Variants in METTL15 observed in about 807,000 individuals in gnomAD.
METTL15 encodes methyltransferase 15, mitochondrial 12S rRNA N4-cytidine, also known as 12S rRNA N(4)-cytidine methyltransferase METTL15.
METTL15 carries 34 observed loss-of-function variants against 38.3 expected under a neutral mutation model. The observed-to-expected ratio is 0.89, with a 90% confidence interval of 0.68 to 1.18. METTL15 has a LOEUF of 1.18. Among genes scored for constraint, METTL15 ranks in the 50% most tolerant of loss-of-function variants. The pLI is 0.00. For synonymous variants in METTL15, 162 were observed against 170.9 expected (o/e 0.95, Z 0.41); for missense variants, 438 against 498.4 (o/e 0.88, Z 1.15).
intron 6 of METTL15, among the ~76,000 whole-genome samples, chr11:28,497,912 G>C (rs1387295673): frequency 6.6e-6 from 1 of 152,004 alleles, no homozygotes; most frequent in African/African-American, 2.4e-5. Flanking sequence ...AAAGTAGCCA[G>C]GCGTGGTGGT....
chr11:28,146,922 A>G (rs1345923966), intron 3 of METTL15, among the ~76,000 whole-genome samples: 1 of 151,936 alleles, frequency 6.6e-6, no homozygotes, highest in Non-Finnish European at 1.5e-5. Context: ...AAGTATTTGA[A>G]AGAAAATATT....
chr11:28,252,696 A>C (rs1222222750), intron 4 of METTL15, among the ~76,000 whole-genome samples: 1 of 152,050 alleles, frequency 6.6e-6, no homozygotes, highest in African/African-American at 2.4e-5. Context: ...CCTCATCAAT[A>C]AACTAACATT....
intron 6 of METTL15, among the ~76,000 whole-genome samples, chr11:28,517,959 A>G (rs545349708): frequency 6.6e-6 from 1 of 152,294 alleles, no homozygotes; most frequent in Non-Finnish European, 1.5e-5. Flanking sequence ...CTTAACCCAC[A>G]TGGAAAACTT....
intron 3 of METTL15, among the ~76,000 whole-genome samples, chr11:28,208,794 TAGA>T (rs1452191497): frequency 6.6e-6 from 1 of 152,020 alleles, no homozygotes; most frequent in Non-Finnish European, 1.5e-5. Context: ...GTTAGTGACC[TAGA>T]AGAAGGAGTA....
chr11:28,195,373 A>G (rs1395596675), intron 3 of METTL15, among the ~76,000 whole-genome samples: 1 of 152,044 alleles, frequency 6.6e-6, no homozygotes, highest in Non-Finnish European at 1.5e-5. Context: ...TCACACTAGC[A>G]TCTATTGTTT....
intron 6 of METTL15, among the ~76,000 whole-genome samples, chr11:28,496,018 A>G (rs552234096): frequency 1.3e-5 from 2 of 152,166 alleles, no homozygotes; most frequent in South Asian, 4.1e-4. Flanking sequence ...TTACCTAGTG[A>G]TGTGGCATAA....
intron 5 of METTL15, among the ~76,000 whole-genome samples, chr11:28,386,340 C>G (rs1165848121): frequency 1.3e-5 from 2 of 151,790 alleles, no homozygotes; most frequent in Non-Finnish European, 2.9e-5. Context: ...TATAAGCTGT[C>G]TACAAGAGAT....
At chr11:28,373,673 A>G (rs6484368) in intron 5 of METTL15, among the ~76,000 whole-genome samples, 151,302 of 152,312 alleles carry the variant, frequency 0.99, 75,160 homozygotes, top group Middle Eastern at 1. Flanking sequence ...AATTGAATTA[A>G]ATCCCATTTG....
intron 3 of METTL15, among the ~76,000 whole-genome samples, chr11:28,158,337 G>A (rs183930951): frequency 8.5e-5 from 13 of 152,238 alleles, no homozygotes; most frequent in East Asian, 1.9e-4. Flanking sequence ...CATGCAATGC[G>A]CCTGTGAACA....
intron 6 of METTL15, among the ~76,000 whole-genome samples, chr11:28,480,902 G>T (rs1564943428): frequency 6.6e-6 from 1 of 152,122 alleles, no homozygotes; most frequent in Non-Finnish European, 1.5e-5. Flanking sequence ...GGCTCCTGAG[G>T]AGATCTTTGA....
At chr11:28,460,252 G>A (rs985834648) in intron 6 of METTL15, among the ~76,000 whole-genome samples, 68 of 151,984 alleles carry the variant, frequency 4.5e-4, no homozygotes, top group Non-Finnish European at 1.2e-4. Flanking sequence ...CGTCTTACTT[G>A]TAATGGACAT....
intron 6 of METTL15, among the ~76,000 whole-genome samples, chr11:28,476,235 G>C (rs547966798): frequency 1.3e-5 from 2 of 152,302 alleles, no homozygotes; most frequent in African/African-American, 4.8e-5. Flanking sequence ...CACTGTCTGA[G>C]ATATTAACCA....
intron 5 of METTL15, among the ~76,000 whole-genome samples, chr11:28,420,329 CAAAG>C (rs1850808798): frequency 6.6e-6 from 1 of 152,108 alleles, no homozygotes; most frequent in Non-Finnish European, 1.5e-5. Context: ...AGAAAATCAA[CAAAG>C]AAACATTGGA....
At chr11:28,214,118 CT>C (rs1314187940) in intron 4 of METTL15, among the ~76,000 whole-genome samples, 1 of 152,108 alleles carries the variant, frequency 6.6e-6, no homozygotes, top group Non-Finnish European at 1.5e-5. Context: ...TCATAGCTTA[CT>C]GCAGCCTCTG....
intron 4 of METTL15, among the ~76,000 whole-genome samples, chr11:28,252,793 A>G (rs1183693280): frequency 2.0e-5 from 3 of 151,814 alleles, no homozygotes; most frequent in African/African-American, 4.8e-5. Context: ...TATAAAAAAA[A>G]CTCCTTAATA....
intron 3 of METTL15, among the ~76,000 whole-genome samples, chr11:28,128,235 A>T (rs1852577446): frequency 6.6e-6 from 1 of 152,140 alleles, no homozygotes. Context: ...AAATAAATTA[A>T]GGATAGAAAA....
intron 6 of METTL15, among the ~76,000 whole-genome samples, chr11:28,470,203 G>T (rs1851291316): frequency 6.6e-6 from 1 of 152,154 alleles, no homozygotes. Context: ...TGCAGTGAAT[G>T]CTTTTTCCCC....
At chr11:28,230,337 C>A (rs900800923) in intron 4 of METTL15, among the ~76,000 whole-genome samples, 9 of 151,816 alleles carry the variant, frequency 5.9e-5, no homozygotes, top group African/African-American at 2.2e-4. Flanking sequence ...AAAACTGATT[C>A]ATGAAAGTCA....
chr11:28,124,420 A>G (rs1394381115), intron 3 of METTL15, among the ~76,000 whole-genome samples: 1 of 152,036 alleles, frequency 6.6e-6, no homozygotes, highest in Non-Finnish European at 1.5e-5. Context: ...AGACACATCT[A>G]ATTGGCTAGC....
Sources: allele counts gnomAD v4.1 joint callset (sites outside exome capture counted in the v4.1 genomes callset), GRCh38; gene constraint gnomAD v4.1.1; transcripts MANE v1.5; gene names NCBI Gene and HGNC (gene_info 2026-07-23, HGNC 2026-07-21).